KCNIP4: variants seen among roughly 807,000 people sequenced by gnomAD.
KCNIP4 encodes the protein Kv channel-interacting protein 4.
In KCNIP4, 12 loss-of-function variants were observed where a neutral mutation model predicts 34.0. That is an observed-to-expected ratio of 0.35 (90% CI 0.23 to 0.57). KCNIP4 has a LOEUF of 0.57. Ranked by LOEUF, KCNIP4 falls within the 20% of genes least tolerant of loss-of-function variation. The pLI, the probability that KCNIP4 is intolerant of heterozygous loss-of-function variation, is 0.83. For missense variants in KCNIP4, 238 were observed against 311.7 expected (o/e 0.76, Z 1.78); for synonymous variants, 124 against 102.2 (o/e 1.21, Z -1.29).
At chr4:21,388,273 T>C (rs1378800715) in intron 1 of KCNIP4, among the ~76,000 whole-genome samples, 1 of 149,726 alleles carries the variant, frequency 6.7e-6, no homozygotes, top group Admixed American at 6.7e-5. Context: ...AATAAATATA[T>C]ATGTAATAAT....
At chr4:21,291,434 A>G (rs1172129257) in intron 1 of KCNIP4, among the ~76,000 whole-genome samples, 1 of 152,130 alleles carries the variant, frequency 6.6e-6, no homozygotes, top group Non-Finnish European at 1.5e-5. Flanking sequence ...CATTTTCTAC[A>G]TATTTTCAAA....
chr4:21,267,562 T>G (rs533810553), intron 1 of KCNIP4, among the ~76,000 whole-genome samples: 1 of 149,276 alleles, frequency 6.7e-6, no homozygotes, highest in Non-Finnish European at 1.5e-5. Context: ...GCATGAAGCG[T>G]TGTTGAATTT....
In KCNIP4 at chr4:20,989,828, G is replaced by T. The variant is rs189648651; in HGVS notation, c.62-107119C>A. On this transcript the variant is annotated intron_variant, in intron 1 of 8. Transcript: ENST00000382152. ...TACAAAAATTGCAAAAGTTAGCTCGGCATGGTGACATGGGCCTGTAGTCTC... is the reference window on the plus strand; with the variant it reads ...TACAAAAATTGCAAAAGTTAGCTCGTCATGGTGACATGGGCCTGTAGTCTC... Among the ~76,000 whole-genome samples, 48 of 152,252 alleles carry T rather than the reference G, an allele frequency of 3.2e-4. 1 individual carries two copies. In the South Asian group the frequency reaches 4.6e-3, roughly 14 times the overall value.
chr4:21,668,634 T>C (rs973098084), intron 1 of KCNIP4, among the ~76,000 whole-genome samples: 5 of 152,150 alleles, frequency 3.3e-5, no homozygotes, highest in African/African-American at 1.2e-4. Context: ...CAATATGCAA[T>C]ATATACAATT....
chr4:20,953,151 T>A (rs568831655), intron 1 of KCNIP4, among the ~76,000 whole-genome samples: 24 of 152,358 alleles, frequency 1.6e-4, no homozygotes, highest in South Asian at 6.2e-4. Flanking sequence ...TGCATTTGAA[T>A]CTTTGTCTGT....
At chr4:20,923,859 A>AT (rs912422165) in intron 1 of KCNIP4, among the ~76,000 whole-genome samples, 5 of 150,762 alleles carry the variant, frequency 3.3e-5, no homozygotes, top group East Asian at 1.9e-4. Context: ...TTGCATTAAA[A>AT]TTTTTTTTTT....
chr4:20,893,422 G>GT (rs139392649), intron 1 of KCNIP4, among the ~76,000 whole-genome samples: 34 of 150,770 alleles, frequency 2.3e-4, no homozygotes, highest in Admixed American at 9.3e-4. Context: ...CTGAGCCTCT[G>GT]TTTTTTTTTG....
chr4:21,000,483 G>A (rs1286582374), intron 1 of KCNIP4, among the ~76,000 whole-genome samples: 2 of 151,978 alleles, frequency 1.3e-5, no homozygotes, highest in East Asian at 1.9e-4. Flanking sequence ...TCAGGAGTTC[G>A]AGACCAGCCT....
At chr4:20,968,867 G>A (rs1009065255) in intron 1 of KCNIP4, among the ~76,000 whole-genome samples, 1 of 152,094 alleles carries the variant, frequency 6.6e-6, no homozygotes, top group African/African-American at 2.4e-5. Flanking sequence ...CATGGCACAT[G>A]TATACCTACG....
chr4:21,096,886 A>C (rs1747501509), intron 1 of KCNIP4, among the ~76,000 whole-genome samples: 1 of 152,166 alleles, frequency 6.6e-6, no homozygotes, highest in African/African-American at 2.4e-5. Context: ...GGGCTCCTGA[A>C]GGATGCTATG....
chr4:20,814,981 A>ATC (rs140025844), intron 3 of KCNIP4, among the ~76,000 whole-genome samples: 4,069 of 152,048 alleles, frequency 0.027, 91 homozygotes, highest in South Asian at 0.086. Flanking sequence ...CTAATAATTT[A>ATC]TCTCTCTCTC....
At chr4:21,113,008 C>T (rs192113115) in intron 1 of KCNIP4, among the ~76,000 whole-genome samples, 1 of 152,224 alleles carries the variant, frequency 6.6e-6, no homozygotes, top group African/African-American at 2.4e-5. Flanking sequence ...GTCTTCTACA[C>T]CTGATGTTTT....
intron 1 of KCNIP4, among the ~76,000 whole-genome samples, chr4:21,125,544 G>A (rs923785964): frequency 1.1e-4 from 17 of 151,994 alleles, no homozygotes; most frequent in African/African-American, 4.1e-4. Flanking sequence ...CAGATTTCAG[G>A]GCCCATTTCC....
chr4:21,692,246 A>G (rs1251411941), intron 1 of KCNIP4, among the ~76,000 whole-genome samples: 1 of 152,234 alleles, frequency 6.6e-6, no homozygotes, highest in Non-Finnish European at 1.5e-5. Flanking sequence ...GCAATGTAAT[A>G]AAACATTAAC....
In KCNIP4 at chr4:20,950,591, G is replaced by T. The variant is rs866727650; in HGVS notation, c.62-67882C>A. ...ATTTAACTCCAAGTTGATGCAATCA[G>T]TACTCTGCACAGGCAAGTGTGATGC... On this transcript the variant is annotated intron_variant, in intron 1 of 8. Coordinates refer to ENST00000382152, the MANE Select transcript of KCNIP4 (RefSeq NM_025221.6). Among the ~76,000 whole-genome samples, 26 of 152,164 alleles carry T rather than the reference G, an allele frequency of 1.7e-4. No individual in the cohort carries two copies. In the Middle Eastern group the frequency reaches 0.01, roughly 60 times the overall value.
chr4:21,234,349 T>C (rs181616216), intron 1 of KCNIP4, among the ~76,000 whole-genome samples: 2,249 of 98,938 alleles, frequency 0.023, 218 homozygotes, highest in African/African-American at 0.085. Context: ...TAACATACAT[T>C]ATATATAACA....
intron 1 of KCNIP4, among the ~76,000 whole-genome samples, chr4:21,814,911 G>T (rs971600721): frequency 6.6e-6 from 1 of 152,076 alleles, no homozygotes; most frequent in African/African-American, 2.4e-5. Context: ...TAAAACTAAG[G>T]AGTAAGCCTG....
At chr4:21,716,958 C>T (rs976616921) in intron 1 of KCNIP4, among the ~76,000 whole-genome samples, 10 of 152,112 alleles carry the variant, frequency 6.6e-5, no homozygotes, top group African/African-American at 2.2e-4. Flanking sequence ...GCCAGTGTGC[C>T]CACTATCCTT....
chr4:21,105,939 A>T (rs2109084108), intron 1 of KCNIP4, among the ~76,000 whole-genome samples: 1 of 151,508 alleles, frequency 6.6e-6, no homozygotes, highest in South Asian at 2.1e-4. Flanking sequence ...CATCCCAGGG[A>T]TGAAGCCCAC....
Sources: allele counts gnomAD v4.1 joint callset (sites outside exome capture counted in the v4.1 genomes callset), GRCh38; gene constraint gnomAD v4.1.1; transcripts MANE v1.5; gene names NCBI Gene and HGNC (gene_info 2026-07-23, HGNC 2026-07-21).